PAFAH1B2: variants seen among roughly 807,000 people sequenced by gnomAD.
PAFAH1B2 encodes the protein platelet activating factor acetylhydrolase 1b catalytic subunit 2.
A neutral mutation model predicts 28.0 loss-of-function variants in PAFAH1B2; 8 were observed. That is an observed-to-expected ratio of 0.29 (90% CI 0.17 to 0.52). The LOEUF is 0.52. Among genes scored for constraint, PAFAH1B2 ranks in the 20% least tolerant of loss-of-function variants. The pLI is 0.97. For synonymous variants in PAFAH1B2, 104 were observed against 103.2 expected (o/e 1.01, Z -0.05); for missense variants, 190 against 282.6 (o/e 0.67, Z 2.35).
Position 117,168,500 on chromosome 11 carries a change from C to T in PAFAH1B2, c.*801C>T, listed in dbSNP as rs1034270630. The T allele has an allele frequency of 7.4e-5, 33 of 446,910 alleles. No homozygotes were observed. The African/African-American group carries it at 9.4e-4, about 13-fold the overall frequency. 27.7% of individuals were successfully genotyped at this position (446,910 alleles called of 1,614,324 possible). A position where few individuals can be genotyped will look rare whatever the true frequency, so the allele number is the denominator to read the frequency against. ...TCTTGTTGACATTACAAGCTTTTAACACATTTTTGACCTAGGAGCCCTGTT... is the reference window on the plus strand; with the variant it reads ...TCTTGTTGACATTACAAGCTTTTAATACATTTTTGACCTAGGAGCCCTGTT... On this transcript the variant is annotated 3_prime_UTR_variant, in exon 6 of 6. Coordinates refer to ENST00000527958, the MANE Select transcript of PAFAH1B2 (RefSeq NM_002572.4).
intron 1 of PAFAH1B2, among the ~76,000 whole-genome samples, chr11:117,149,920 T>C (rs1255286007): frequency 1.3e-5 from 2 of 151,908 alleles, no homozygotes; most frequent in Non-Finnish European, 1.5e-5. Context: ...TGGAGAAACC[T>C]TGTCTGTATA....
intron 5 of PAFAH1B2, among the ~76,000 whole-genome samples, chr11:117,164,359 A>G (rs1209226511): frequency 6.6e-6 from 1 of 151,422 alleles, no homozygotes; most frequent in East Asian, 2.0e-4. Flanking sequence ...GTGAGCAGAG[A>G]TTGTGCCACT....
intron 1 of PAFAH1B2, among the ~76,000 whole-genome samples, chr11:117,147,939 T>C (rs1373139592): frequency 6.6e-6 from 1 of 152,162 alleles, no homozygotes; most frequent in Admixed American, 6.6e-5. Context: ...AATTTAGGGT[T>C]GAGATGGAAG....
intron 2 of PAFAH1B2, among the ~76,000 whole-genome samples, chr11:117,158,335 A>G (rs1337967990): frequency 6.6e-6 from 1 of 152,092 alleles, no homozygotes; most frequent in African/African-American, 2.4e-5. Context: ...GAGCCACCAC[A>G]CCTGGCCAAA....
chr11:117,163,672 CAAA>C (rs3057863), intron 4 of PAFAH1B2, 95 bp from the exon 5 acceptor site: 955 of 1,063,174 alleles, frequency 9.0e-4, no homozygotes, highest in East Asian at 4.2e-3. Context: ...GACCCCATCT[CAAA>C]AAAAAAAAAA....
downstream of PAFAH1B2, chr11:117,175,426 C>A: frequency 9.5e-7 from 1 of 1,053,272 alleles, no homozygotes; most frequent in Non-Finnish European, 1.1e-6. Flanking sequence ...GACCTGGGAA[C>A]AGCAAGAAAA....
At chr11:117,163,672 C>CAA (rs3057863) in intron 4 of PAFAH1B2, 98 bp from the exon 5 acceptor site, 302 of 1,064,546 alleles carry the variant, frequency 2.8e-4, no homozygotes, top group East Asian at 1.0e-3. Flanking sequence ...GACCCCATCT[C>CAA]AAAAAAAAAA....
At chr11:117,145,264 T>TTG (rs1565257381) in intron 1 of PAFAH1B2, among the ~76,000 whole-genome samples, 1 of 152,176 alleles carries the variant, frequency 6.6e-6, no homozygotes, top group African/African-American at 2.4e-5. Context: ...GCGTGGTGAC[T>TTG]CATGCTTCTG....
intron 5 of PAFAH1B2, 59 bp downstream of exon 5, chr11:117,163,951 T>C: frequency 2.6e-6 from 4 of 1,560,252 alleles, no homozygotes; most frequent in Non-Finnish European, 2.6e-6. Context: ...AGGAATCTTT[T>C]TAGAAATGTG....
At chr11:117,148,288 G>T (rs1319794833) in intron 1 of PAFAH1B2, among the ~76,000 whole-genome samples, 1 of 151,966 alleles carries the variant, frequency 6.6e-6, no homozygotes. Flanking sequence ...CCTGACCTCA[G>T]GTGATCCTCC....
At position 117,148,793 on chromosome 11, in the gene PAFAH1B2, A is replaced by G. The variant is rs545872190; in HGVS notation, c.-7-3648A>G. Among the ~76,000 whole-genome samples, 5 of 152,266 alleles carry G rather than the reference A, an allele frequency of 3.3e-5. No homozygotes were observed. In the East Asian group the frequency reaches 9.6e-4, roughly 29 times the overall value. On this transcript the variant is annotated intron_variant, in intron 1 of 5. Coordinates refer to ENST00000527958, the MANE Select transcript of PAFAH1B2 (RefSeq NM_002572.4). ...AGAGATCGTATAATTTATATAGATC[A>G]TTGGTCTTGAAAGAGTGTGTGTATG...
intron 5 of PAFAH1B2, among the ~76,000 whole-genome samples, chr11:117,167,076 C>G (rs940165194): frequency 6.6e-6 from 1 of 152,086 alleles, no homozygotes; most frequent in Non-Finnish European, 1.5e-5. Flanking sequence ...GCTTTTGGAT[C>G]AGTTGGGAGT....
At chr11:117,146,983 A>T (rs1255365141) in intron 1 of PAFAH1B2, among the ~76,000 whole-genome samples, 3 of 151,830 alleles carry the variant, frequency 2.0e-5, no homozygotes, top group South Asian at 2.1e-4. Context: ...ACAAAAAAAA[A>T]GCCGGCCGGG....
chr11:117,146,945 A>C (rs577997775), intron 1 of PAFAH1B2, among the ~76,000 whole-genome samples: 1 of 151,752 alleles, frequency 6.6e-6, no homozygotes, highest in African/African-American at 2.4e-5. Context: ...CAGTCTGGGC[A>C]TCAGAGTGAA....
chr11:117,165,185 C>T (rs575826810), intron 5 of PAFAH1B2, among the ~76,000 whole-genome samples: 1 of 151,506 alleles, frequency 6.6e-6, no homozygotes. Flanking sequence ...ATCTCCTGAC[C>T]TCGTGATCTG....
intron 1 of PAFAH1B2, among the ~76,000 whole-genome samples, chr11:117,144,972 G>T (rs991548655): frequency 5.3e-5 from 8 of 152,154 alleles, no homozygotes; most frequent in Admixed American, 3.9e-4. Context: ...TCCTTTTGTT[G>T]AAAAATTTCA....
chr11:117,156,419 T>C (rs1442186423), intron 2 of PAFAH1B2, among the ~76,000 whole-genome samples: 1 of 152,086 alleles, frequency 6.6e-6, no homozygotes, highest in Non-Finnish European at 1.5e-5. Context: ...GACTGGAAAG[T>C]AGGTAAGCTA....
At chr11:117,172,735 G>A (rs947796374), downstream of PAFAH1B2, among the ~76,000 whole-genome samples, 2 of 152,142 alleles carry the variant, frequency 1.3e-5, no homozygotes, top group South Asian at 2.1e-4. Flanking sequence ...AAACAGTCTC[G>A]CTTTGTTGCC....
chr11:117,173,971 T>C (rs1425153752), downstream of PAFAH1B2, among the ~76,000 whole-genome samples: 1 of 151,954 alleles, frequency 6.6e-6, no homozygotes. Context: ...TTCAGAGGGG[T>C]TGGTTTTGAA....
Sources: allele counts gnomAD v4.1 joint callset (sites outside exome capture counted in the v4.1 genomes callset), GRCh38; gene constraint gnomAD v4.1.1; transcripts MANE v1.5; gene names NCBI Gene and HGNC (gene_info 2026-07-23, HGNC 2026-07-21).